The following AFG2A variants were observed in gnomAD, a reference collection of about 807,000 sequenced individuals.
AFG2A encodes ATPase family gene 2 protein homolog A.
At chr4:123,228,712 C>G in the AFG2A span, among the ~76,000 whole-genome samples, 7 of 151,920 alleles carry the variant, frequency 4.6e-5, no homozygotes, top group Non-Finnish European at 8.8e-5. Flanking sequence ...CTAAGAGAAG[C>G]CAAGGGACTT....
the AFG2A span, among the ~76,000 whole-genome samples, chr4:123,017,817 C>T: frequency 6.6e-6 from 1 of 152,120 alleles, no homozygotes; most frequent in South Asian, 2.1e-4. Flanking sequence ...GGCATTTTCT[C>T]TAAAATAATA....
At chr4:123,151,158 A>T in the AFG2A span, among the ~76,000 whole-genome samples, 3 of 152,248 alleles carry the variant, frequency 2.0e-5, no homozygotes, top group Non-Finnish European at 2.9e-5. Context: ...ACCTAAAACC[A>T]TAAAGACCCT....
chr4:123,232,147 C>G, the AFG2A span, among the ~76,000 whole-genome samples: 7 of 151,838 alleles, frequency 4.6e-5, no homozygotes, highest in Admixed American at 4.6e-4. Context: ...ATAAAAAATA[C>G]AATATCTGCA....
At chr4:123,258,953 G>A in the AFG2A span, among the ~76,000 whole-genome samples, 3 of 138,382 alleles carry the variant, frequency 2.2e-5, no homozygotes, top group Non-Finnish European at 4.6e-5. Flanking sequence ...TGCAACCTCC[G>A]CCTCCCGGGT....
chr4:123,085,316 A>ATATT, the AFG2A span, among the ~76,000 whole-genome samples: 1 of 152,212 alleles, frequency 6.6e-6, no homozygotes, highest in Non-Finnish European at 1.5e-5. Flanking sequence ...TTTCAGCTAT[A>ATATT]ATAGCGTATT....
At chr4:123,120,134 C>T in the AFG2A span, among the ~76,000 whole-genome samples, 11 of 152,034 alleles carry the variant, frequency 7.2e-5, no homozygotes, top group Middle Eastern at 3.2e-3. Context: ...TCAACACTGA[C>T]GAGCCATTTC....
the AFG2A span, among the ~76,000 whole-genome samples, chr4:123,247,588 G>GTTTGTTTGTTTGTTTGTTTT: frequency 6.6e-6 from 1 of 151,694 alleles, no homozygotes; most frequent in Non-Finnish European, 1.5e-5. Flanking sequence ...TTTTATGTTT[G>GTTTGTTTGTTTGTTTGTTTT]TTTGTTTGTT....
At chr4:123,025,439 A>G in the AFG2A span, among the ~76,000 whole-genome samples, 2 of 152,222 alleles carry the variant, frequency 1.3e-5, no homozygotes, top group African/African-American at 4.8e-5. Context: ...TGATTGATCC[A>G]AGACTGATTA....
chr4:123,232,329 A>G, the AFG2A span, among the ~76,000 whole-genome samples: 1,688 of 152,142 alleles, frequency 0.011, 10 homozygotes, highest in African/African-American at 0.014. Context: ...GCCAGCAAGT[A>G]ACAATGCATG....
chr4:122,973,515 C>T, the AFG2A span, among the ~76,000 whole-genome samples: 1 of 149,532 alleles, frequency 6.7e-6, no homozygotes, highest in Non-Finnish European at 1.5e-5. Flanking sequence ...ATTATTTCAT[C>T]CTCTTCCCAT....
At chr4:123,032,052 G>A in the AFG2A span, among the ~76,000 whole-genome samples, 1 of 152,298 alleles carries the variant, frequency 6.6e-6, no homozygotes, top group East Asian at 1.9e-4. Context: ...CCCTGGGATA[G>A]CTGCATTGCT....
At chr4:123,026,039 A>G in the AFG2A span, among the ~76,000 whole-genome samples, 245 of 152,192 alleles carry the variant, frequency 1.6e-3, no homozygotes, top group African/African-American at 5.5e-3. Flanking sequence ...CGTTTTTCCC[A>G]ACTTTAAAAT....
chr4:123,260,845 C>T, the AFG2A span, among the ~76,000 whole-genome samples: 1 of 152,204 alleles, frequency 6.6e-6, no homozygotes, highest in South Asian at 2.1e-4. Context: ...GTACTTAGCA[C>T]TCTCCTACAG....
chr4:122,940,081 G>A, the AFG2A span, among the ~76,000 whole-genome samples: 5 of 152,170 alleles, frequency 3.3e-5, no homozygotes, highest in Middle Eastern at 3.4e-3. Context: ...GAATAGTGCC[G>A]CAATAAACAT....
At chr4:123,297,257 A>C in the AFG2A span, among the ~76,000 whole-genome samples, 3 of 152,268 alleles carry the variant, frequency 2.0e-5, no homozygotes, top group Admixed American at 1.3e-4. Flanking sequence ...TCATTCAAAA[A>C]TAATGGCCTA....
the AFG2A span, among the ~76,000 whole-genome samples, chr4:122,935,436 G>T: frequency 6.6e-6 from 1 of 151,138 alleles, no homozygotes; most frequent in Non-Finnish European, 1.5e-5. Flanking sequence ...GATCTGTGTT[G>T]TGTGGGATGG....
chr4:122,987,906 G>A, the AFG2A span, among the ~76,000 whole-genome samples: 2 of 151,986 alleles, frequency 1.3e-5, no homozygotes, highest in East Asian at 1.9e-4. Context: ...AGGGGGTTTT[G>A]TACTTTCATA....
chr4:122,974,522 GA>G, the AFG2A span, among the ~76,000 whole-genome samples: 32 of 152,156 alleles, frequency 2.1e-4, no homozygotes, highest in Admixed American at 5.9e-4. Context: ...GTTATGTCCT[GA>G]AAAAACTAGT....
the AFG2A span, among the ~76,000 whole-genome samples, chr4:123,160,993 C>T: frequency 6.6e-6 from 1 of 152,072 alleles, no homozygotes; most frequent in African/African-American, 2.4e-5. Flanking sequence ...CTATACTCAC[C>T]GATTTTCAGA....
Sources: allele counts gnomAD v4.1 joint callset (sites outside exome capture counted in the v4.1 genomes callset), GRCh38; gene constraint gnomAD v4.1.1; transcripts MANE v1.5; gene names NCBI Gene and HGNC (gene_info 2026-07-23, HGNC 2026-07-21).